NEURL1: variants seen among roughly 807,000 people sequenced by gnomAD.
NEURL1 encodes E3 ubiquitin-protein ligase NEURL1.
A neutral mutation model predicts 41.2 loss-of-function variants in NEURL1; 26 were observed. That is an observed-to-expected ratio of 0.63 (90% confidence interval 0.46 to 0.87). The LOEUF (loss-of-function observed/expected upper bound fraction) is 0.87. Among genes scored for constraint, NEURL1 ranks in the 40% least tolerant of loss-of-function variants. NEURL1 has a pLI of 0.00. For synonymous variants in NEURL1, 400 were observed against 402.3 expected, an observed-to-expected ratio of 0.99 and a Z score of 0.07; for missense variants, 761 against 871.1, an observed-to-expected ratio of 0.87 and a Z score of 1.59.
At chr10:103,571,845 C>T in intron 3 of NEURL1, 23 bp downstream of exon 3, 1 of 1,574,286 alleles carries the variant, frequency 6.4e-7, no homozygotes, top group Non-Finnish European at 8.6e-7. Context: ...CCCTCCGGCC[C>T]CTTGGTGCAG....
intron 1 of NEURL1, chr10:103,549,183 G>C (rs2034984561): frequency 6.6e-6 from 1 of 152,570 alleles, no homozygotes; most frequent in Non-Finnish European, 1.5e-5. Flanking sequence ...GGCCGAGAAA[G>C]GGCTGCTTGG....
chr10:103,559,558 C>T (rs746401711), intron 1 of NEURL1, among the ~76,000 whole-genome samples: 10 of 151,628 alleles, frequency 6.6e-5, no homozygotes, highest in East Asian at 1.9e-4. Flanking sequence ...GAAGGGAAGG[C>T]GGAGCAGGTG....
intron 1 of NEURL1, among the ~76,000 whole-genome samples, chr10:103,544,018 C>T (rs982189404): frequency 2.0e-5 from 3 of 152,298 alleles, no homozygotes; most frequent in Admixed American, 6.5e-5. Flanking sequence ...TCGAGTTTAT[C>T]CTGATGCTCG....
chr10:103,497,868 C>T (rs531095605), intron 1 of NEURL1, among the ~76,000 whole-genome samples: 2 of 152,136 alleles, frequency 1.3e-5, no homozygotes, highest in Admixed American at 6.5e-5. Context: ...GTTGTACTGT[C>T]GAAACCCAGA....
chr10:103,546,603 T>C (rs139516078), intron 1 of NEURL1, among the ~76,000 whole-genome samples: 1 of 152,228 alleles, frequency 6.6e-6, no homozygotes, highest in Non-Finnish European at 1.5e-5. Flanking sequence ...AAGTATTCAG[T>C]GTCCCCAAGC....
chr10:103,584,577 T>C lies in NEURL1; in HGVS notation c.691T>C (p.Phe231Leu). ...CCCGGACTGTCTGCGGCCGCGCTCC[T>C]TCACCGCCCTGCGGCGGCCGTCGCT... The part of the protein sequence containing the change: ...VLPDCLRPRS[F>L]TALRRPSLRR... Residue 231 changes from phenylalanine (F) to leucine (L), a missense_variant, in exon 4 of 6, where the codon TTC (phenylalanine) becomes CTC (leucine). Transcript: ENST00000369780. The C allele has an allele frequency of 2.8e-6, 4 of 1,416,872 alleles. No individual in the cohort carries two copies. The highest frequency in any genetic ancestry group is 2.3e-4 in the Middle Eastern group (1 of 4,412). The allele number at this position is 1,416,872 out of a possible 1,614,324, so 87.8% of individuals were successfully genotyped here. A position where few individuals can be genotyped will look rare whatever the true frequency, so the allele number is the denominator to read the frequency against.
chr10:103,511,241 C>T (rs965571730), intron 1 of NEURL1, among the ~76,000 whole-genome samples: 6 of 151,880 alleles, frequency 4.0e-5, no homozygotes, highest in Non-Finnish European at 7.3e-5. Context: ...CTTTCTCCAC[C>T]AGCCAGTCTG....
chr10:103,498,311 T>G (rs1401745271), intron 1 of NEURL1, among the ~76,000 whole-genome samples: 1 of 152,310 alleles, frequency 6.6e-6, no homozygotes, highest in East Asian at 1.9e-4. Context: ...CACTGCAAGC[T>G]CCGCCTCCCG....
intron 1 of NEURL1, among the ~76,000 whole-genome samples, chr10:103,517,552 G>T (rs2034245214): frequency 2.0e-5 from 3 of 152,218 alleles, no homozygotes; most frequent in African/African-American, 4.8e-5. Context: ...CTTTGCCTGA[G>T]CTGGCCCCAA....
At chr10:103,517,677 A>G (rs977899108) in intron 1 of NEURL1, among the ~76,000 whole-genome samples, 28 of 152,340 alleles carry the variant, frequency 1.8e-4, no homozygotes, top group African/African-American at 5.5e-4. Flanking sequence ...CTGTTTCCCA[A>G]AGAGAAATTT....
At chr10:103,494,775 G>C (rs1277060632) in intron 1 of NEURL1, 1 of 358,960 alleles carries the variant, frequency 2.8e-6, no homozygotes, top group East Asian at 5.5e-5. Context: ...GTCGATAGGG[G>C]AGTGGGGAGT....
intron 1 of NEURL1, among the ~76,000 whole-genome samples, chr10:103,561,603 C>G (rs1011872695): frequency 3.9e-5 from 6 of 152,154 alleles, no homozygotes; most frequent in Non-Finnish European, 7.3e-5. Flanking sequence ...ACTTGTTAGG[C>G]CCAACCCACG....
intron 1 of NEURL1, among the ~76,000 whole-genome samples, chr10:103,552,158 C>T (rs2035044782): frequency 6.6e-6 from 1 of 152,148 alleles, no homozygotes; most frequent in Non-Finnish European, 1.5e-5. Flanking sequence ...GCTGCTGCTC[C>T]CTCCCCTTGA....
intron 1 of NEURL1, chr10:103,550,494 G>C (rs1458645803): frequency 6.6e-6 from 1 of 152,258 alleles, no homozygotes; most frequent in Non-Finnish European, 1.5e-5. Flanking sequence ...GTCATATATG[G>C]GTCTGTGTTC....
chr10:103,503,845 C>T (rs2033883187), intron 1 of NEURL1, among the ~76,000 whole-genome samples: 2 of 125,250 alleles, frequency 1.6e-5, no homozygotes, highest in South Asian at 5.9e-4. Context: ...GGTTGGAGTG[C>T]AGTGGCGTGA....
At chr10:103,528,278 C>A (rs2034501524) in intron 1 of NEURL1, among the ~76,000 whole-genome samples, 1 of 152,126 alleles carries the variant, frequency 6.6e-6, no homozygotes, top group Non-Finnish European at 1.5e-5. Flanking sequence ...TCACCTGAAC[C>A]CGGTAGGCGG....
chr10:103,501,624 A>T (rs1032194077), intron 1 of NEURL1, among the ~76,000 whole-genome samples: 3 of 147,592 alleles, frequency 2.0e-5, no homozygotes, highest in African/African-American at 7.4e-5. Context: ...TTTATTTATT[A>T]TTATTATTAT....
At chr10:103,574,888 C>T (rs1747915182) in intron 3 of NEURL1, among the ~76,000 whole-genome samples, 2 of 152,186 alleles carry the variant, frequency 1.3e-5, no homozygotes. Flanking sequence ...GGATTCCGTC[C>T]CAGCCGTAAA....
intron 4 of NEURL1, chr10:103,588,930 G>A: frequency 2.4e-6 from 1 of 414,406 alleles, no homozygotes; most frequent in Non-Finnish European, 4.7e-6. Context: ...TGGCGACAGC[G>A]AGACTCCGTC....
Sources: allele counts gnomAD v4.1 joint callset (sites outside exome capture counted in the v4.1 genomes callset), GRCh38; gene constraint gnomAD v4.1.1; transcripts MANE v1.5; gene names NCBI Gene and HGNC (gene_info 2026-07-23, HGNC 2026-07-21).